Variants in DSCAM observed in about 807,000 individuals in gnomAD.
DSCAM encodes the protein cell adhesion molecule DSCAM.
A neutral mutation model predicts 217.7 loss-of-function variants in DSCAM; 47 were observed. The ratio of observed to expected loss-of-function variants is 0.22; its 90% CI spans 0.17 to 0.28. DSCAM has a LOEUF of 0.28. Ranked by LOEUF, DSCAM falls within the 10% of genes least tolerant of loss-of-function variation. DSCAM has a pLI of 1.00. For synonymous variants in DSCAM, 1,056 were observed against 1,015.3 expected (o/e 1.04, Z -0.76); for missense variants, 2,080 against 2,618.3 (o/e 0.79, Z 4.49).
At chr21:40,436,289 G>T (rs2075581857) in intron 3 of DSCAM, among the ~76,000 whole-genome samples, 1 of 152,160 alleles carries the variant, frequency 6.6e-6, no homozygotes, top group African/African-American at 2.4e-5. Flanking sequence ...ATTACACAAA[G>T]ATTAATATGG....
rs991736286 is a variant in DSCAM, at chr21:40,299,074, C to A, written c.2063-2900G>T. Among the ~76,000 whole-genome samples, 5 of 152,162 alleles carry A rather than the reference C, an allele frequency of 3.3e-5. No individual in the cohort carries two copies. In the South Asian group the frequency reaches 6.2e-4, roughly 19 times the overall value. The stretch of plus-strand genomic sequence containing the variant: ...ACCTCTTTGCTCATAGATTGGAATT[C>A]TCTCTTCAGATACCCCAGTGATTTA... On this transcript the variant is annotated intron_variant, in intron 9 of 32. Transcript: ENST00000400454.
intron 3 of DSCAM, among the ~76,000 whole-genome samples, chr21:40,606,590 T>A (rs2089241745): frequency 6.6e-6 from 1 of 152,158 alleles, no homozygotes; most frequent in South Asian, 2.1e-4. Context: ...AACGGGTGCA[T>A]GGGAGTTAAA....
chr21:40,659,484 T>C (rs936177348), intron 3 of DSCAM, among the ~76,000 whole-genome samples: 3 of 152,196 alleles, frequency 2.0e-5, no homozygotes, highest in Admixed American at 6.5e-5. Flanking sequence ...TATCCATCTA[T>C]CTACTATTTA....
chr21:40,226,845 C>T (rs867540382), intron 11 of DSCAM, among the ~76,000 whole-genome samples: 1 of 152,078 alleles, frequency 6.6e-6, no homozygotes, highest in Non-Finnish European at 1.5e-5. Flanking sequence ...ATTTCATTAT[C>T]CAGGTATTAA....
At chr21:40,519,264 T>G (rs1316909825) in intron 3 of DSCAM, among the ~76,000 whole-genome samples, 1 of 152,126 alleles carries the variant, frequency 6.6e-6, no homozygotes, top group Non-Finnish European at 1.5e-5. Flanking sequence ...CAAACACGAA[T>G]CTGGGTATTG....
At chr21:40,290,584 G>T (rs1192937377) in intron 10 of DSCAM, among the ~76,000 whole-genome samples, 1 of 152,170 alleles carries the variant, frequency 6.6e-6, no homozygotes, top group Non-Finnish European at 1.5e-5. Flanking sequence ...TCGTGCCACT[G>T]CACTCCAGCC....
Position 40,347,901 on chromosome 21 carries a change from C to T in DSCAM, c.979G>A (p.Val327Met), listed in dbSNP as rs530847723. 3.9e-5 allele frequency: 63 copies of T among 1,613,898 alleles called. No homozygotes were observed. The highest frequency in any genetic ancestry group is 3.3e-4 in the Middle Eastern group (2 of 6,030). ...TISPRKVKSS[V>M]GSQVSLSCSV... ...CAGGACAAGGAAACTTGGCTACCCA[C>T]GCTGCTTTTAACCTTCCTGGGACTG... Residue 327 changes from valine to methionine, a missense_variant, in exon 6 of 33, where the codon GTG becomes ATG. Physicochemically the swap from Val to Met is conservative, Grantham distance 21 (BLOSUM62 1). Around this residue, in one of 5 missense-constraint regions of DSCAM, gnomAD observed 568 missense variants for 678.1 expected, o/e 0.84. Coordinates refer to ENST00000400454, the MANE Select transcript of DSCAM (RefSeq NM_001389.5).
intron 11 of DSCAM, 92 bp downstream of exon 11, chr21:40,276,005 T>G: frequency 7.6e-7 from 1 of 1,317,066 alleles, no homozygotes; most frequent in Non-Finnish European, 1.0e-6. Context: ...GTGTTGCTTT[T>G]AAACAGGTAT....
chr21:40,075,021 C>T lies in DSCAM; in HGVS notation c.4888+16G>A, dbSNP rs373840594. 1 of 1,613,292 alleles carries T rather than the reference C, an allele frequency of 6.2e-7. No individual in the cohort carries two copies. The highest frequency in any genetic ancestry group is 1.3e-5 in the African/African-American group (1 of 74,930). ...GCAGGGGACACGCGTAGGTGGACAG[C>T]TGGGCCTGGACCTACCTCGCAGCCT... is the stretch of plus-strand genomic sequence containing the variant. On this transcript the variant is annotated intron_variant, in intron 27 of 32. Transcript: ENST00000400454.
intron 3 of DSCAM, among the ~76,000 whole-genome samples, chr21:40,654,518 T>C (rs572009543): frequency 6.6e-6 from 1 of 152,308 alleles, no homozygotes; most frequent in South Asian, 2.1e-4. Context: ...ACCTCATGCT[T>C]TAGAGATCAA....
chr21:40,571,007 C>CAAG (rs2076802130), intron 3 of DSCAM, among the ~76,000 whole-genome samples: 1 of 151,848 alleles, frequency 6.6e-6, no homozygotes, highest in East Asian at 1.9e-4. Flanking sequence ...GGTACATACC[C>CAAG]AAGAAGATTA....
intron 3 of DSCAM, among the ~76,000 whole-genome samples, chr21:40,506,382 T>G (rs2076210567): frequency 6.6e-6 from 1 of 152,182 alleles, no homozygotes; most frequent in Non-Finnish European, 1.5e-5. Flanking sequence ...AAAATACCAG[T>G]GGGAGCCCCG....
chr21:40,567,880 G>T (rs1344078636), intron 3 of DSCAM, among the ~76,000 whole-genome samples: 1 of 151,896 alleles, frequency 6.6e-6, no homozygotes, highest in Non-Finnish European at 1.5e-5. Flanking sequence ...AGGATATTTT[G>T]TTCCTTTCTA....
intron 1 of DSCAM, among the ~76,000 whole-genome samples, chr21:40,780,398 C>CGTGTGTGT (rs140268971): frequency 2.8e-5 from 3 of 108,606 alleles, no homozygotes; most frequent in African/African-American, 6.5e-5. Context: ...CAAATATAAA[C>CGTGTGTGT]GTGTGTGTGT....
At chr21:40,014,546 A>T (rs1232603101) in intron 32 of DSCAM, among the ~76,000 whole-genome samples, 1 of 152,184 alleles carries the variant, frequency 6.6e-6, no homozygotes, top group Non-Finnish European at 1.5e-5. Context: ...CGCCCGATGC[A>T]GGATCTCCCT....
At chr21:40,530,095 C>G (rs1274751730) in intron 3 of DSCAM, among the ~76,000 whole-genome samples, 1 of 152,186 alleles carries the variant, frequency 6.6e-6, no homozygotes, top group Non-Finnish European at 1.5e-5. Context: ...CTCAGTTGCT[C>G]TCTGCTGTAG....
chr21:40,668,200 T>TTTGCTGAATCCCAGTGC (rs79829046), intron 3 of DSCAM, among the ~76,000 whole-genome samples: 24,299 of 152,148 alleles, frequency 0.16, 2,031 homozygotes, highest in East Asian at 0.23. Flanking sequence ...CACACTGCTG[T>TTTGCTGAATCCCAGTGC]ACACTAGTCC....
At chr21:40,704,536 G>A (rs1047392555) in intron 2 of DSCAM, among the ~76,000 whole-genome samples, 1 of 151,950 alleles carries the variant, frequency 6.6e-6, no homozygotes, top group African/African-American at 2.4e-5. Context: ...GTAACATAGT[G>A]AGAATACCCT....
chr21:40,031,066 G>A (rs2088513998), intron 32 of DSCAM, among the ~76,000 whole-genome samples: 1 of 152,050 alleles, frequency 6.6e-6, no homozygotes, highest in South Asian at 2.1e-4. Flanking sequence ...TCCAGAACAT[G>A]TATTCCCTGT....
Sources: allele counts gnomAD v4.1 joint callset (sites outside exome capture counted in the v4.1 genomes callset), GRCh38; gene constraint gnomAD v4.1.1; regional missense constraint gnomAD v4.1.1; transcripts MANE v1.5; gene names NCBI Gene and HGNC (gene_info 2026-07-23, HGNC 2026-07-21).